The following CYTH1 variants were observed in gnomAD, a reference collection of about 807,000 sequenced individuals.
CYTH1 encodes the protein cytohesin 1.
Under a neutral mutation model 61.8 loss-of-function variants are expected in CYTH1, and 18 were observed. That is an observed-to-expected ratio of 0.29 (90% CI 0.20 to 0.43). The LOEUF is 0.43. Among genes scored for constraint, CYTH1 ranks in the 20% least tolerant of loss-of-function variants. The pLI is 1.00. For synonymous variants in CYTH1, 174 were observed against 184.3 expected (o/e 0.94, Z 0.45); for missense variants, 336 against 510.5 (o/e 0.66, Z 3.29).
chr17:78,771,059 T>C (rs1468044788), intron 1 of CYTH1, among the ~76,000 whole-genome samples: 1 of 151,418 alleles, frequency 6.6e-6, no homozygotes, highest in East Asian at 2.0e-4. Context: ...GGCCAGGAGT[T>C]TGGGACCAGC....
At chr17:78,702,750 C>T (rs1262378342) in intron 3 of CYTH1, 146 bp from the exon 4 acceptor site, 11 of 802,600 alleles carry the variant, frequency 1.4e-5, no homozygotes, top group Non-Finnish European at 2.2e-5. Flanking sequence ...CTATGAAAGG[C>T]CAACTGAAAC....
intron 1 of CYTH1, among the ~76,000 whole-genome samples, chr17:78,772,259 T>C (rs2093474372): frequency 6.6e-6 from 1 of 152,148 alleles, no homozygotes; most frequent in African/African-American, 2.4e-5. Flanking sequence ...GCTCTCAAGT[T>C]GAAGTCTTCC....
intron 11 of CYTH1, 73 bp downstream of exon 11, chr17:78,692,344 T>C (rs2092896373): frequency 4.1e-5 from 61 of 1,472,778 alleles, no homozygotes; most frequent in Non-Finnish European, 4.6e-5. Flanking sequence ...TCCTCAACCA[T>C]GTCTGATTAG....
intron 1 of CYTH1, among the ~76,000 whole-genome samples, chr17:78,752,063 T>C (rs901869573): frequency 6.6e-6 from 1 of 152,120 alleles, no homozygotes; most frequent in Non-Finnish European, 1.5e-5. Context: ...ATAGTCTAGT[T>C]CAAAGATCCT....
At chr17:78,781,944 T>G (rs1203433377) in intron 1 of CYTH1, among the ~76,000 whole-genome samples, 3 of 148,180 alleles carry the variant, frequency 2.0e-5, no homozygotes, top group African/African-American at 5.0e-5. Flanking sequence ...GCCCGGCCTG[T>G]GACCCCCGCC....
chr17:78,761,122 C>T (rs1389687985), intron 1 of CYTH1, among the ~76,000 whole-genome samples: 1 of 152,056 alleles, frequency 6.6e-6, no homozygotes, highest in Non-Finnish European at 1.5e-5. Context: ...TGTGAGCCAC[C>T]GCGCCCAGCC....
intron 1 of CYTH1, among the ~76,000 whole-genome samples, chr17:78,756,220 C>T (rs1301623077): frequency 2.6e-5 from 4 of 151,570 alleles, no homozygotes; most frequent in Non-Finnish European, 4.4e-5. Context: ...GGATTACAGG[C>T]GCCCACCACC....
At chr17:78,683,240 A>T (rs68136829) in intron 11 of CYTH1, among the ~76,000 whole-genome samples, 10,670 of 151,726 alleles carry the variant, frequency 0.07, 755 homozygotes, top group African/African-American at 0.18. Context: ...CTGGTGGTGG[A>T]CCCTTCTTCT....
Position 78,700,358 on chromosome 17 carries a change from A to C in CYTH1, c.523T>G (p.Cys175Gly). The C allele has an allele frequency of 6.2e-7, 1 of 1,613,284 alleles. No individual in the cohort carries two copies. The highest frequency in any genetic ancestry group is 8.5e-7 in the Non-Finnish European group (1 of 1,179,588). The change falls in exon 7 of 14, where the codon TGC (cysteine) becomes GGC (glycine). Residue 175 changes from cysteine (C) to glycine (G), a missense_variant. Cys to Gly is a radical substitution (Grantham distance 159, BLOSUM62 -3). Coordinates refer to ENST00000446868, the MANE Select transcript of CYTH1 (RefSeq NM_004762.6). This position sits in a 1 kb window ranked among gnomAD's most constrained non-coding sequence, Gnocchi z 5.1. ...MEAFAQRYCQ[C>G]NNGVFQSTDT... ...GTGGACTGGAACACGCCATTATTGC[A>C]CTGACAATATCGCTGGGCAAACGCC...
chr17:78,722,401 T>G (rs2093236450), intron 1 of CYTH1, among the ~76,000 whole-genome samples: 1 of 152,176 alleles, frequency 6.6e-6, no homozygotes, highest in African/African-American at 2.4e-5. Context: ...CCTAGCCTCC[T>G]TGAGCCAAGT....
rs773106656 is a variant in CYTH1 at position 78,692,429 on chromosome 17, A to G, written c.879T>C (p.Phe293=). The change falls in exon 11 of 14, where the codon TTT becomes TTC. Residue 293 remains phenylalanine (F), a synonymous_variant. Transcript: ENST00000446868. ...FILTDNCLYY[F]EYTTDKEPRG... ...AGCAGGTGCTCACCGTGGTATACTCAAAGTAGTAAAGGCAGTTGTCAGTCA... is the reference window on the plus strand; with the variant it reads ...AGCAGGTGCTCACCGTGGTATACTCGAAGTAGTAAAGGCAGTTGTCAGTCA... 4 of 1,614,076 alleles carry G rather than the reference A, an allele frequency of 2.5e-6. No individual in the cohort carries two copies. Among genetic ancestry groups the G allele is most frequent in the Non-Finnish European group, 3.4e-6 (4 of 1,179,990 alleles).
rs1332583247 is a variant in CYTH1, at chr17:78,760,382, TATAC to T, written c.22+21816_22+21819del. Among the ~76,000 whole-genome samples the T allele has an allele frequency of 3.7e-4, 19 of 51,706 alleles. 1 individual carries two copies. Among genetic ancestry groups the T allele is most frequent in the African/African-American group, 1.1e-3 (14 of 12,948 alleles). 33.9% of individuals were successfully genotyped at this position (51,706 alleles called of 152,430 possible). ...ATATATATATATATATATATATATATATACACACACATACATATATATATGTGTA... is the reference window on the plus strand; with the variant it reads ...ATATATATATATATATATATATATATACACACATACATATATATATGTGTA... On this transcript the variant is annotated intron_variant, in intron 1 of 13. Coordinates refer to ENST00000446868, the MANE Select transcript of CYTH1 (RefSeq NM_004762.6).
chr17:78,702,262 G>A (rs765823239), intron 4 of CYTH1, 22 bp from the exon 5 acceptor site: 70 of 1,571,598 alleles, frequency 4.5e-5, no homozygotes, highest in Non-Finnish European at 5.8e-5. Flanking sequence ...CAACAAAGAC[G>A]CCAATGATGC....
chr17:78,727,748 GCTT>G (rs1356779855), intron 1 of CYTH1: 1 of 470,860 alleles, frequency 2.1e-6, no homozygotes, highest in Non-Finnish European at 4.4e-6. Flanking sequence ...AGGAGGGCAG[GCTT>G]CTTCTTCTCT....
chr17:78,772,723 A>G (rs2093476419), intron 1 of CYTH1, among the ~76,000 whole-genome samples: 1 of 149,632 alleles, frequency 6.7e-6, no homozygotes, highest in African/African-American at 2.5e-5. Flanking sequence ...TTTTTATTAG[A>G]GACAGAGTTT....
At chr17:78,768,708 A>G (rs756228023) in intron 1 of CYTH1, among the ~76,000 whole-genome samples, 3 of 151,868 alleles carry the variant, frequency 2.0e-5, no homozygotes, top group Non-Finnish European at 4.4e-5. Flanking sequence ...TATCTCCAAA[A>G]ATTCCTTAAG....
rs1552175 is a variant in CYTH1 at position 78,697,039 on chromosome 17, G to A, written c.812-1030C>T. Reference sequence around the variant, plus strand: ...ATTTAAAACTGATCGGTGAAGTGGTGCTGTAAGGGGAATTTATGAATTAAG... The same window carrying A: ...ATTTAAAACTGATCGGTGAAGTGGTACTGTAAGGGGAATTTATGAATTAAG... On this transcript the variant is annotated intron_variant, in intron 9 of 13. Coordinates refer to ENST00000446868, the MANE Select transcript of CYTH1 (RefSeq NM_004762.6). Among the ~76,000 whole-genome samples, 960 of 152,302 alleles carry A rather than the reference G, an allele frequency of 6.3e-3. 12 individuals carry two copies. Among genetic ancestry groups the A allele is most frequent in the African/African-American group, 0.022 (900 of 41,558 alleles).
chr17:78,678,313 ACAGT>A (rs1412911913), intron 13 of CYTH1: 6 of 152,554 alleles, frequency 3.9e-5, no homozygotes, highest in African/African-American at 1.4e-4. Context: ...GCCAGCCAGC[ACAGT>A]CAAAGGACAC....
At chr17:78,702,307 G>T in intron 4 of CYTH1, 67 bp from the exon 5 acceptor site, 5 of 1,351,406 alleles carry the variant, frequency 3.7e-6, no homozygotes, top group Middle Eastern at 3.6e-4. Flanking sequence ...AGGGGAAAGG[G>T]CACAGGAAGA....
Sources: allele counts gnomAD v4.1 joint callset (sites outside exome capture counted in the v4.1 genomes callset), GRCh38; gene constraint gnomAD v4.1.1; non-coding constraint Gnocchi (gnomAD v3.1); transcripts MANE v1.5; gene names NCBI Gene and HGNC (gene_info 2026-07-23, HGNC 2026-07-21).